CCNB1IP1: variants seen among roughly 807,000 people sequenced by gnomAD.
The protein encoded by CCNB1IP1 is cyclin B1 interacting protein 1.
Under a neutral mutation model 25.6 loss-of-function variants are expected in CCNB1IP1, and 14 were observed. The observed-to-expected ratio is 0.55, with a 90% CI of 0.36 to 0.85. The LOEUF (loss-of-function observed/expected upper bound fraction) is 0.85, where lower values mean the gene tolerates loss of function less well. CCNB1IP1 is among the 40% of genes least tolerant of loss of function. The pLI, the probability that CCNB1IP1 is intolerant of heterozygous loss-of-function variation, is 0.01. For missense variants in CCNB1IP1, 278 were observed against 342.4 expected (o/e 0.81, Z 1.48); for synonymous variants, 119 against 116.1 (o/e 1.02, Z -0.16).
chr14:20,316,697 AT>A, intron 4 of CCNB1IP1, 137 bp from the exon 5 acceptor site: 2 of 575,004 alleles, frequency 3.5e-6, no homozygotes, highest in South Asian at 4.8e-5. Flanking sequence ...TATAATTGAT[AT>A]ATTGATTTCA....
At chr14:20,316,656 C>T in intron 4 of CCNB1IP1, 96 bp from the exon 5 acceptor site, 1 of 632,218 alleles carries the variant, frequency 1.6e-6, no homozygotes, top group Non-Finnish European at 2.7e-6. Context: ...TCATAAAATA[C>T]TGCACATTTT....
chr14:20,323,642 C>CT (rs1389629158), intron 4 of CCNB1IP1, among the ~76,000 whole-genome samples: 1 of 151,700 alleles, frequency 6.6e-6, no homozygotes. Context: ...TAAGTAAGAA[C>CT]TAGAGGCCGG....
chr14:20,331,725 T>A (rs1267109782), intron 1 of CCNB1IP1, among the ~76,000 whole-genome samples: 1 of 151,776 alleles, frequency 6.6e-6, no homozygotes, highest in Admixed American at 6.6e-5. Flanking sequence ...TTAAAAAAAA[T>A]AATTTTTAAA....
chr14:20,331,263 C>G (rs1883225987), intron 1 of CCNB1IP1, among the ~76,000 whole-genome samples: 1 of 152,168 alleles, frequency 6.6e-6, no homozygotes, highest in Non-Finnish European at 1.5e-5. Flanking sequence ...ACAAAGATGA[C>G]TTGGTTGTTC....
intron 1 of CCNB1IP1, among the ~76,000 whole-genome samples, chr14:20,331,789 G>C (rs1002149783): frequency 4.0e-5 from 6 of 151,510 alleles, no homozygotes; most frequent in Non-Finnish European, 7.4e-5. Context: ...TGGAACTTAA[G>C]TGGAAAAAGT....
intron 6 of CCNB1IP1, 21 bp downstream of exon 6, chr14:20,313,447 T>C (rs1281108746): frequency 6.5e-7 from 1 of 1,534,746 alleles, no homozygotes. Flanking sequence ...GAACAGACAC[T>C]TGATACATGT....
chr14:20,331,441 T>C (rs73583499), intron 1 of CCNB1IP1, among the ~76,000 whole-genome samples: 2,559 of 152,308 alleles, frequency 0.017, 66 homozygotes, highest in African/African-American at 0.053. Context: ...AGAGTATTGA[T>C]TGGTTTCTAA....
chr14:20,330,118 AC>A (rs57087159), intron 1 of CCNB1IP1, among the ~76,000 whole-genome samples: 40,105 of 130,034 alleles, frequency 0.31, 5,890 homozygotes, highest in African/African-American at 0.48. Flanking sequence ...AAAAAAAAAA[AC>A]AAAAAACATG....
chr14:20,311,424 G>A lies in CCNB1IP1; in HGVS notation c.*126C>T. On this transcript the variant is annotated 3_prime_UTR_variant, in exon 7 of 7. Coordinates refer to ENST00000358932, the MANE Select transcript of CCNB1IP1 (RefSeq NM_021178.5). ...TTTAGAAACAGGGTCTCACTCTGTT[G>A]CCCAGGCTGGAGTGCAGTGGCATGA... 1 of 724,042 alleles carries A rather than the reference G, an allele frequency of 1.4e-6. No individual in the cohort carries two copies. The highest frequency in any genetic ancestry group is 2.4e-6 in the Non-Finnish European group (1 of 418,672). 44.9% of individuals were successfully genotyped at this position (724,042 alleles called of 1,614,324 possible). A position where few individuals can be genotyped will look rare whatever the true frequency, so the allele number is the denominator to read the frequency against.
At chr14:20,332,026 A>ATATATT (rs59034398) in intron 1 of CCNB1IP1, among the ~76,000 whole-genome samples, 12 of 40,742 alleles carry the variant, frequency 2.9e-4, no homozygotes, top group South Asian at 1.5e-3. Flanking sequence ...ATATATATAT[A>ATATATT]TTTTTTTTTT....
At chr14:20,315,659 TA>T in intron 5 of CCNB1IP1, 1 of 1,271,700 alleles carries the variant, frequency 7.9e-7, no homozygotes, top group Non-Finnish European at 1.0e-6. Flanking sequence ...TAAGGATGCG[TA>T]TTTGATAAGA....
chr14:20,315,164 A>G (rs12883771), intron 5 of CCNB1IP1, among the ~76,000 whole-genome samples: 76 of 139,674 alleles, frequency 5.4e-4, no homozygotes, highest in African/African-American at 2.0e-3. Context: ...AAAAAAAAAA[A>G]GGCAAAAAAG....
chr14:20,311,408 A>C lies in CCNB1IP1; in HGVS notation c.*142T>G. ...ATTATCTTTATTTTTTTTTAGAAAC[A>C]GGGTCTCACTCTGTTGCCCAGGCTG... On this transcript the variant is annotated 3_prime_UTR_variant, in exon 7 of 7. Coordinates refer to ENST00000358932, the MANE Select transcript of CCNB1IP1 (RefSeq NM_021178.5). 1 of 594,758 alleles carries C rather than the reference A, an allele frequency of 1.7e-6. No individual in the cohort carries two copies. The highest frequency in any genetic ancestry group is 2.6e-5 in the East Asian group (1 of 38,532). The allele number at this position is 594,758 out of a possible 1,614,324, so 36.8% of individuals were successfully genotyped here. A position where few individuals can be genotyped will look rare whatever the true frequency, so the allele number is the denominator to read the frequency against.
At chr14:20,324,389 G>A (rs1401332522) in intron 4 of CCNB1IP1, among the ~76,000 whole-genome samples, 1 of 152,152 alleles carries the variant, frequency 6.6e-6, no homozygotes, top group Non-Finnish European at 1.5e-5. Context: ...GTTTCACCAT[G>A]TTAGCCAGGC....
chr14:20,332,005 CATAT>C (rs1555314509), intron 1 of CCNB1IP1, among the ~76,000 whole-genome samples: 717 of 66,554 alleles, frequency 0.011, 19 homozygotes, highest in South Asian at 0.028. Context: ...GATGTGTATA[CATAT>C]ATATATATAT....
rs777890594 is a variant in CCNB1IP1, at chr14:20,316,443, G to A, written c.81C>T (p.Ala27=). 1.2e-6 allele frequency: 2 copies of A among 1,613,952 alleles called. No individual in the cohort carries two copies. The highest frequency in any genetic ancestry group is 2.2e-5 in the South Asian group (2 of 91,074). ...GCTGATCACAGAAGATGTGAGAGCAGGCAGTGACCCATGCATAGCCAGAGA... is the reference window on the plus strand; with the variant it reads ...GCTGATCACAGAAGATGTGAGAGCAAGCAGTGACCCATGCATAGCCAGAGA... The part of the protein sequence containing the change: ...IKLSGYAWVT[A]CSHIFCDQHG... Residue 27 remains alanine, a synonymous_variant, in exon 5 of 7, where the codon GCC becomes GCT. Coordinates refer to ENST00000358932, the MANE Select transcript of CCNB1IP1 (RefSeq NM_021178.5).
At chr14:20,325,368 C>T (rs1477353383) in intron 4 of CCNB1IP1, among the ~76,000 whole-genome samples, 171 bp downstream of exon 4, 1 of 148,892 alleles carries the variant, frequency 6.7e-6, no homozygotes, top group Non-Finnish European at 1.5e-5. Flanking sequence ...TTGCAGTGAG[C>T]CGAGATCCCG....
chr14:20,314,558 CTT>C, intron 5 of CCNB1IP1: 1 of 152,216 alleles, frequency 6.6e-6, no homozygotes, highest in Non-Finnish European at 1.5e-5. Context: ...TTGGCAGTGA[CTT>C]TTAAAATACA....
At position 20,313,610 on chromosome 14, in the gene CCNB1IP1, T is replaced by C. The variant is rs1055983389; in HGVS notation, c.489A>G (p.Lys163=). 4 of 1,614,190 alleles carry C rather than the reference T, an allele frequency of 2.5e-6. No individual in the cohort carries two copies. The African/African-American group carries it at 4.0e-5, about 16-fold the overall frequency. The change falls in exon 6 of 7, where the codon AAA becomes AAG. Residue 163 remains lysine (K), a synonymous_variant. Coordinates refer to ENST00000358932, the MANE Select transcript of CCNB1IP1 (RefSeq NM_021178.5). ...YKKKFSDISE[K]LMERNRQYQK... ...GATACTGACGATTGCGCTCCATAAGTTTCTCAGAGATGTCACTGAACTTTT... is the reference window on the plus strand; with the variant it reads ...GATACTGACGATTGCGCTCCATAAGCTTCTCAGAGATGTCACTGAACTTTT...
Sources: allele counts gnomAD v4.1 joint callset (sites outside exome capture counted in the v4.1 genomes callset), GRCh38; gene constraint gnomAD v4.1.1; transcripts MANE v1.5; gene names NCBI Gene and HGNC (gene_info 2026-07-23, HGNC 2026-07-21).